ANKS1B: variants seen among roughly 807,000 people sequenced by gnomAD.
ANKS1B encodes the protein ankyrin repeat and sterile alpha motif domain-containing protein 1B.
Under a neutral mutation model 148.3 loss-of-function variants are expected in ANKS1B, and 36 were observed. That is an observed-to-expected ratio of 0.24 (90% CI 0.19 to 0.32). The LOEUF is 0.32. Ranked by LOEUF, ANKS1B falls within the 10% of genes least tolerant of loss-of-function variation. The pLI is 1.00. For missense variants in ANKS1B, 1,157 were observed against 1,542.6 expected, an observed-to-expected ratio of 0.75 and a Z score of 4.19; for synonymous variants, 542 against 560.8, an observed-to-expected ratio of 0.97 and a Z score of 0.47.
At chr12:99,511,671 G>C (rs769034206) in intron 9 of ANKS1B, among the ~76,000 whole-genome samples, 1 of 151,982 alleles carries the variant, frequency 6.6e-6, no homozygotes, top group Non-Finnish European at 1.5e-5. Context: ...TATACTCAAG[G>C]CTATAGTAAT....
intron 16 of ANKS1B, 64 bp from the exon 17 acceptor site, chr12:99,053,373 G>A (rs962668552): frequency 3.9e-6 from 5 of 1,274,296 alleles, no homozygotes; most frequent in Non-Finnish European, 5.1e-6. Flanking sequence ...ACAGAATGCA[G>A]ATTTCCCCTT....
chr12:99,924,896 T>C (rs1054808487), intron 1 of ANKS1B, among the ~76,000 whole-genome samples: 1 of 152,138 alleles, frequency 6.6e-6, no homozygotes, highest in Non-Finnish European at 1.5e-5. Flanking sequence ...ATCACTCTAT[T>C]TCTGTATCCT....
chr12:99,168,706 GC>G (rs1334332247), intron 14 of ANKS1B, among the ~76,000 whole-genome samples: 13 of 152,238 alleles, frequency 8.5e-5, no homozygotes, highest in Middle Eastern at 6.8e-3. Context: ...GCTCTAGGCA[GC>G]GGGAACAGTA....
At chr12:99,403,835 A>G (rs1207648010) in intron 11 of ANKS1B, among the ~76,000 whole-genome samples, 1 of 146,332 alleles carries the variant, frequency 6.8e-6, no homozygotes, top group Non-Finnish European at 1.5e-5. Flanking sequence ...ATATACCCAA[A>G]GGAATATAAA....
At chr12:99,474,494 G>A (rs2096286304) in intron 10 of ANKS1B, among the ~76,000 whole-genome samples, 1 of 151,646 alleles carries the variant, frequency 6.6e-6, no homozygotes, top group African/African-American at 2.4e-5. Flanking sequence ...CCAAACATGG[G>A]GCTAAAAAGT....
chr12:99,135,006 A>G (rs1298322258), intron 15 of ANKS1B, among the ~76,000 whole-genome samples: 1 of 152,224 alleles, frequency 6.6e-6, no homozygotes, highest in Admixed American at 6.5e-5. Context: ...AATAATGCAC[A>G]GCAGAAAAAC....
At chr12:99,462,212 C>A (rs2095989675) in intron 10 of ANKS1B, among the ~76,000 whole-genome samples, 1 of 152,218 alleles carries the variant, frequency 6.6e-6, no homozygotes, top group Admixed American at 6.5e-5. Flanking sequence ...AGACAGTCTT[C>A]AGCTGTCAGC....
intron 12 of ANKS1B, among the ~76,000 whole-genome samples, chr12:99,297,953 T>C (rs1442386452): frequency 1.3e-5 from 2 of 152,078 alleles, no homozygotes; most frequent in Admixed American, 6.6e-5. Context: ...TATAATCCTA[T>C]GTGACATTAA....
chr12:99,078,002 A>G (rs1213738821), intron 16 of ANKS1B, among the ~76,000 whole-genome samples: 3 of 152,164 alleles, frequency 2.0e-5, no homozygotes, highest in Non-Finnish European at 4.4e-5. Context: ...TGTTTATGAA[A>G]GAAACCCACA....
At chr12:99,149,271 T>C (rs2074185332) in intron 15 of ANKS1B, among the ~76,000 whole-genome samples, 1 of 152,074 alleles carries the variant, frequency 6.6e-6, no homozygotes, top group Non-Finnish European at 1.5e-5. Flanking sequence ...AAATGCACCA[T>C]AGCAATGGGA....
chr12:98,901,609 G>A lies in ANKS1B; in HGVS notation c.2779-69473C>T, dbSNP rs542383326. Among the ~76,000 whole-genome samples the A allele has an allele frequency of 5.3e-5, 8 of 152,236 alleles. No individual in the cohort carries two copies. The East Asian group carries it at 1.5e-3, about 29-fold the overall frequency. On this transcript the variant is annotated intron_variant, in intron 17 of 26. Coordinates refer to ENST00000683438, the MANE Select transcript of ANKS1B (RefSeq NM_001352186.2). ...TTACCTCCCAATATGTAGAGAGCAGGGTTTTCAATTTCGCAAAATAAATAA... is the reference window on the plus strand; with the variant it reads ...TTACCTCCCAATATGTAGAGAGCAGAGTTTTCAATTTCGCAAAATAAATAA...
intron 8 of ANKS1B, among the ~76,000 whole-genome samples, chr12:99,755,722 A>T (rs1404811393): frequency 6.6e-6 from 1 of 152,082 alleles, no homozygotes; most frequent in Non-Finnish European, 1.5e-5. Flanking sequence ...AATAAATGTG[A>T]TTCATCACAT....
intron 17 of ANKS1B, among the ~76,000 whole-genome samples, chr12:98,940,707 T>C (rs1281430028): frequency 6.6e-6 from 1 of 152,210 alleles, no homozygotes; most frequent in East Asian, 1.9e-4. Context: ...AATAAATATT[T>C]GTTGAATGAG....
At chr12:99,919,215 A>T (rs2094271558) in intron 1 of ANKS1B, among the ~76,000 whole-genome samples, 1 of 152,292 alleles carries the variant, frequency 6.6e-6, no homozygotes, top group East Asian at 1.9e-4. Flanking sequence ...TTCTGGAGTC[A>T]GACAATCCCA....
intron 8 of ANKS1B, among the ~76,000 whole-genome samples, chr12:99,700,649 C>T (rs1420435684): frequency 1.3e-5 from 2 of 152,210 alleles, no homozygotes; most frequent in South Asian, 2.1e-4. Flanking sequence ...TACAGCTTCT[C>T]CTTAGCATAT....
At chr12:98,814,812 T>C (rs2099126201) in intron 19 of ANKS1B, among the ~76,000 whole-genome samples, 1 of 152,202 alleles carries the variant, frequency 6.6e-6, no homozygotes, top group Admixed American at 6.5e-5. Context: ...ACTGAGATAT[T>C]ACCAATAATT....
chr12:99,543,685 G>A (rs953089216), intron 9 of ANKS1B, among the ~76,000 whole-genome samples: 1 of 152,104 alleles, frequency 6.6e-6, no homozygotes, highest in African/African-American at 2.4e-5. Context: ...AAAACATTAT[G>A]CTGTGATACA....
chr12:99,185,813 G>A (rs901114214), intron 14 of ANKS1B, among the ~76,000 whole-genome samples: 17 of 152,272 alleles, frequency 1.1e-4, no homozygotes, highest in African/African-American at 2.9e-4. Context: ...AAAATTGGGC[G>A]GCCATTTGGG....
intron 16 of ANKS1B, among the ~76,000 whole-genome samples, chr12:99,074,931 T>A (rs1393068049): frequency 2.0e-5 from 3 of 152,132 alleles, no homozygotes; most frequent in Non-Finnish European, 4.4e-5. Flanking sequence ...AGAGACAAAT[T>A]AGTCAACAGG....
Sources: gnomAD v4.1 joint callset for allele counts (sites outside exome capture counted in the v4.1 genomes callset) on GRCh38, gnomAD v4.1.1 for gene constraint, MANE v1.5 for transcripts, NCBI Gene and HGNC (gene_info 2026-07-23, HGNC 2026-07-21) for gene names.